The following CAMTA1 variants were observed in gnomAD, a reference collection of about 807,000 sequenced individuals.
The protein encoded by CAMTA1 is calmodulin binding transcription activator 1, also known as calmodulin-binding transcription activator 1.
A neutral mutation model predicts 170.9 loss-of-function variants in CAMTA1; 27 were observed. The ratio of observed to expected loss-of-function variants is 0.16; its 90% CI spans 0.12 to 0.22. CAMTA1 has a LOEUF of 0.22. Ranked by LOEUF, CAMTA1 falls within the 10% of genes least tolerant of loss-of-function variation. CAMTA1 has a pLI of 1.00. For synonymous variants in CAMTA1, 833 were observed against 891.5 expected (o/e 0.93, Z 1.17); for missense variants, 1,619 against 2,217.2 (o/e 0.73, Z 5.42).
intron 3 of CAMTA1, among the ~76,000 whole-genome samples, chr1:6,980,855 G>T (rs1694318169): frequency 6.6e-6 from 1 of 152,082 alleles, no homozygotes; most frequent in South Asian, 2.1e-4. Context: ...CTCAGTCTTG[G>T]GTATGTCTTT....
chr1:7,607,257 TG>T (rs1219595899), intron 6 of CAMTA1, among the ~76,000 whole-genome samples: 1 of 149,926 alleles, frequency 6.7e-6, no homozygotes, highest in Non-Finnish European at 1.5e-5. Context: ...GGTGAATGGG[TG>T]GGTAGCTGGA....
chr1:7,527,817 C>T (rs2094447270), intron 6 of CAMTA1, among the ~76,000 whole-genome samples: 1 of 152,222 alleles, frequency 6.6e-6, no homozygotes, highest in African/African-American at 2.4e-5. Context: ...GTTCTCCGAC[C>T]TCACAAATTC....
At position 7,748,386 on chromosome 1, in the gene CAMTA1, CA is replaced by C. The variant is rs1052954119; in HGVS notation, c.4689+614del. 6.7e-6 allele frequency among the ~76,000 whole-genome samples: 1 copy of C among 150,218 alleles called. No individual in the cohort carries two copies. Among genetic ancestry groups the C allele is most frequent in the African/African-American group, 2.4e-5 (1 of 40,882 alleles). The stretch of plus-strand genomic sequence containing the variant: ...TTGATGTCCAGCTTGGACCTCGTCT[CA>C]AAAAAAAACCAGAGGAAAACAAAAT... On this transcript the variant is annotated intron_variant, in intron 19 of 22. Transcript: ENST00000303635. This position sits in a 1 kb window ranked among gnomAD's most constrained non-coding sequence, Gnocchi z 4.7.
chr1:7,099,767 G>C (rs1642503943), intron 4 of CAMTA1, among the ~76,000 whole-genome samples: 1 of 152,218 alleles, frequency 6.6e-6, no homozygotes. Flanking sequence ...GTGCTGCCTA[G>C]TTTGAGCTGG....
chr1:7,614,763 C>T (rs77194264), intron 6 of CAMTA1, among the ~76,000 whole-genome samples: 1,801 of 152,290 alleles, frequency 0.012, 24 homozygotes, highest in African/African-American at 0.04. Flanking sequence ...AAATCAGGCT[C>T]ATCTGATGGG....
intron 5 of CAMTA1, among the ~76,000 whole-genome samples, chr1:7,301,887 C>T (rs1379746709): frequency 6.6e-6 from 1 of 152,160 alleles, no homozygotes; most frequent in Non-Finnish European, 1.5e-5. Context: ...CTGGAACGGG[C>T]TGCAGGCTTT....
chr1:7,110,741 C>T (rs367905724), intron 4 of CAMTA1, among the ~76,000 whole-genome samples: 3 of 152,336 alleles, frequency 2.0e-5, no homozygotes, highest in East Asian at 1.9e-4. Flanking sequence ...CGGGTTCACC[C>T]GTGATCCCTT....
intron 3 of CAMTA1, among the ~76,000 whole-genome samples, chr1:6,885,748 TC>T (rs1413991137): frequency 6.6e-6 from 1 of 152,148 alleles, no homozygotes; most frequent in Non-Finnish European, 1.5e-5. Flanking sequence ...ACCCACCCCT[TC>T]CTGATGAAGT....
At chr1:7,107,165 G>C (rs1157113223) in intron 4 of CAMTA1, among the ~76,000 whole-genome samples, 1 of 152,086 alleles carries the variant, frequency 6.6e-6, no homozygotes, top group Admixed American at 6.5e-5. Context: ...GGAAAACATG[G>C]CCCCTGATCT....
chr1:7,156,465 A>T (rs2148722892), intron 4 of CAMTA1, among the ~76,000 whole-genome samples: 1 of 152,290 alleles, frequency 6.6e-6, no homozygotes, highest in South Asian at 2.1e-4. Flanking sequence ...GCTTCTCATC[A>T]GGGAGGTGAT....
intron 11 of CAMTA1, among the ~76,000 whole-genome samples, chr1:7,716,426 T>C (rs17461723): frequency 0.16 from 24,426 of 152,192 alleles, 2,170 homozygotes; most frequent in South Asian, 0.28. Context: ...AGAATCCAGC[T>C]ATTTATTTTA....
In CAMTA1 at chr1:7,674,773, C is replaced by CA. The variant is rs200920225; in HGVS notation, c.2780-2819dup. On this transcript the variant is annotated intron_variant, in intron 10 of 22. Transcript: ENST00000303635. This position sits in a 1 kb window ranked among gnomAD's most constrained non-coding sequence, Gnocchi z 4.1. Reference sequence around the variant, plus strand: ...TGGAAGACAGAGTAAGACTCTGTCTCAAAAAAACAAAAAGCAAACAAACAA... The same window carrying CA: ...TGGAAGACAGAGTAAGACTCTGTCTCAAAAAAAACAAAAAGCAAACAAACAA... Among the ~76,000 whole-genome samples the CA allele has an allele frequency of 6.1e-3, 922 of 151,558 alleles. 11 individuals are homozygous for CA. Among genetic ancestry groups the CA allele is most frequent in the African/African-American group, 0.021 (879 of 41,288 alleles).
intron 1 of CAMTA1, among the ~76,000 whole-genome samples, chr1:6,805,373 A>G (rs935885491): frequency 2.0e-5 from 3 of 152,240 alleles, no homozygotes; most frequent in African/African-American, 7.2e-5. Flanking sequence ...AATTGAGTCA[A>G]TTGAATTTTT....
chr1:6,917,314 G>T (rs568858410), intron 3 of CAMTA1, among the ~76,000 whole-genome samples: 1 of 152,098 alleles, frequency 6.6e-6, no homozygotes, highest in Non-Finnish European at 1.5e-5. Flanking sequence ...CTGGTAAGCC[G>T]TGGTGGTTTA....
At chr1:7,712,408 CTG>C in intron 11 of CAMTA1, among the ~76,000 whole-genome samples, 1 of 152,084 alleles carries the variant, frequency 6.6e-6, no homozygotes, top group Non-Finnish European at 1.5e-5. Flanking sequence ...GCAACTCCCA[CTG>C]CCCAGGCTCA....
At position 6,887,516 on chromosome 1, in the gene CAMTA1, G is replaced by A. The variant is rs1571392826; in HGVS notation, c.234+62306G>A. 7.6e-7 allele frequency: 1 copy of A among 1,313,366 alleles called. No individual in the cohort carries two copies. The highest frequency in any genetic ancestry group is 1.0e-6 in the Non-Finnish European group (1 of 980,000). The allele number at this position is 1,313,366 out of a possible 1,614,324, so 81.4% of individuals were successfully genotyped here. A position where few individuals can be genotyped will look rare whatever the true frequency, so the allele number is the denominator to read the frequency against. On this transcript the variant is annotated intron_variant, in intron 3 of 22. Transcript: ENST00000303635. The surrounding 1 kb of genome is among the most constrained non-coding windows in gnomAD (Gnocchi z 4.1). ...TGTTCATCTGTATACGTATGTGTGT[G>A]TTTAATATATACTTTAGTTTGCCTT...
intron 6 of CAMTA1, among the ~76,000 whole-genome samples, chr1:7,495,074 G>A (rs1239021406): frequency 1.3e-5 from 2 of 152,276 alleles, no homozygotes; most frequent in African/African-American, 4.8e-5. Flanking sequence ...CTCAGTGGCT[G>A]CCCCCGTCGT....
intron 5 of CAMTA1, among the ~76,000 whole-genome samples, chr1:7,376,527 G>C (rs915005582): frequency 1.3e-5 from 2 of 152,216 alleles, no homozygotes; most frequent in African/African-American, 2.4e-5. Flanking sequence ...GAGTCCAGCA[G>C]TGTGGACGTT....
At chr1:7,383,355 C>G (rs761742893) in intron 5 of CAMTA1, among the ~76,000 whole-genome samples, 9 of 152,128 alleles carry the variant, frequency 5.9e-5, no homozygotes, top group Non-Finnish European at 7.3e-5. Context: ...TTCATTTACT[C>G]CTTCTCACTC....
Sources: gnomAD v4.1 joint callset for allele counts (sites outside exome capture counted in the v4.1 genomes callset) on GRCh38, gnomAD v4.1.1 for gene constraint, Gnocchi (gnomAD v3.1) non-coding constraint, MANE v1.5 for transcripts, NCBI Gene and HGNC (gene_info 2026-07-23, HGNC 2026-07-21) for gene names.